Variants in ATG7 observed in about 807,000 individuals in gnomAD.
ATG7 encodes the protein ubiquitin-like modifier-activating enzyme ATG7.
In ATG7, 70 loss-of-function variants were observed where a neutral mutation model predicts 82.4. That is an observed-to-expected ratio of 0.85 (90% CI 0.70 to 1.04). The LOEUF (loss-of-function observed/expected upper bound fraction) is 1.04. Among genes scored for constraint, ATG7 ranks in the 50% least tolerant of loss-of-function variants. ATG7 has a pLI of 0.00. For synonymous variants in ATG7, 287 were observed against 313.0 expected (o/e 0.92, Z 0.88); for missense variants, 792 against 864.3 (o/e 0.92, Z 1.05).
intron 20 of ATG7, among the ~76,000 whole-genome samples, chr3:11,471,671 G>A (rs1160053564): frequency 2.0e-5 from 3 of 149,368 alleles, no homozygotes; most frequent in South Asian, 2.1e-4. Context: ...CCCCAGTCTC[G>A]GTGTCTCACA....
At chr3:11,501,595 A>T (rs2091328127) in intron 20 of ATG7, among the ~76,000 whole-genome samples, 1 of 152,100 alleles carries the variant, frequency 6.6e-6, no homozygotes, top group Admixed American at 6.5e-5. Flanking sequence ...AAATGGTTAC[A>T]TAGTAAATTA....
At chr3:11,540,917 A>AGG (rs370091619) in intron 20 of ATG7, among the ~76,000 whole-genome samples, 7 of 73,944 alleles carry the variant, frequency 9.5e-5, no homozygotes, top group Admixed American at 1.8e-4. Context: ...TGGGGGGGGG[A>AGG]GGGGGGGAGT....
rs917155509 is a variant in ATG7 at position 11,348,250 on chromosome 3, G to T, written c.1284+215G>T. ...TGGCTCATACCTGCAATCCCAGTGT[G>T]TCTGGAGTTGGTTCCTTCAGTGCGT... On this transcript the variant is annotated intron_variant, in intron 14 of 20. Coordinates refer to ENST00000693202, the MANE Select transcript of ATG7 (RefSeq NM_001349232.2). 10 of 581,014 alleles carry T rather than the reference G, an allele frequency of 1.7e-5. No individual in the cohort carries two copies. The African/African-American group carries it at 1.9e-4, about 11-fold the overall frequency. 36.0% of individuals were successfully genotyped at this position (581,014 alleles called of 1,614,324 possible). A position where few individuals can be genotyped will look rare whatever the true frequency, so the allele number is the denominator to read the frequency against.
At chr3:11,424,515 G>T (rs1274575624) in intron 19 of ATG7, among the ~76,000 whole-genome samples, 1 of 151,696 alleles carries the variant, frequency 6.6e-6, no homozygotes, top group Non-Finnish European at 1.5e-5. Flanking sequence ...AGCAACAAAA[G>T]TTAGAAAGCA....
intron 5 of ATG7, among the ~76,000 whole-genome samples, chr3:11,302,408 C>A (rs190890191): frequency 9.3e-4 from 141 of 152,230 alleles, no homozygotes; most frequent in African/African-American, 3.2e-3. Context: ...ATTATTACCC[C>A]ATTTTTGTTT....
chr3:11,287,302 G>A (rs1389251484), intron 3 of ATG7, among the ~76,000 whole-genome samples: 3 of 152,186 alleles, frequency 2.0e-5, no homozygotes, highest in Admixed American at 6.5e-5. Context: ...GAAGACAGGC[G>A]AGGCACCTCT....
chr3:11,475,161 C>T (rs575102734), intron 20 of ATG7, among the ~76,000 whole-genome samples: 3 of 151,912 alleles, frequency 2.0e-5, no homozygotes, highest in African/African-American at 7.2e-5. Context: ...CATCATAGAC[C>T]AGGCCAGGGA....
At position 11,407,759 on chromosome 3, in the gene ATG7, G is replaced by A. The variant is rs184031140; in HGVS notation, c.1957-19045G>A. 6.4e-3 allele frequency among the ~76,000 whole-genome samples: 982 copies of A among 152,280 alleles called. 13 individuals carry two copies. Among genetic ancestry groups the A allele is most frequent in the African/African-American group, 0.023 (941 of 41,560 alleles). ...AAGCCATGGCATGAACTCTGTGTTG[G>A]CCCCTTTCAGCCACAGCTGGAGTGT... On this transcript the variant is annotated intron_variant, in intron 19 of 20. Transcript: ENST00000693202.
chr3:11,456,598 A>T lies in ATG7; in HGVS notation c.2079+29672A>T, dbSNP rs1211040399. Among the ~76,000 whole-genome samples the T allele has an allele frequency of 3.3e-5, 5 of 152,184 alleles. No homozygotes were observed. In the East Asian group the frequency reaches 9.6e-4, roughly 29 times the overall value. ...TTAAACCCATGGTGTTTCGCTTAACACTAATACACCTTGCCTCCCCTAGGA... is the reference window on the plus strand; with the variant it reads ...TTAAACCCATGGTGTTTCGCTTAACTCTAATACACCTTGCCTCCCCTAGGA... On this transcript the variant is annotated intron_variant, in intron 20 of 20. Coordinates refer to ENST00000693202, the MANE Select transcript of ATG7 (RefSeq NM_001349232.2).
At chr3:11,542,068 G>A (rs758096826) in intron 20 of ATG7, among the ~76,000 whole-genome samples, 12 of 152,086 alleles carry the variant, frequency 7.9e-5, no homozygotes, top group South Asian at 2.1e-4. Context: ...GGGATGCAGC[G>A]GAGAGGCTGG....
intron 20 of ATG7, among the ~76,000 whole-genome samples, chr3:11,518,545 CAAAAAAAAAAA>C (rs907867265): frequency 9.1e-5 from 11 of 120,598 alleles, no homozygotes; most frequent in African/African-American, 3.1e-4. Context: ...GACACCCTCT[CAAAAAAAAAAA>C]AGAAAAAAAA....
rs571486268 is a variant in ATG7 at position 11,388,520 on chromosome 3, C to G, written c.1956+8468C>G. 9.9e-5 allele frequency among the ~76,000 whole-genome samples: 15 copies of G among 151,960 alleles called. No individual in the cohort carries two copies. The South Asian group carries it at 2.9e-3, about 30-fold the overall frequency. ...CTCAGCTCACTGCAAGCTCCGCCTCCCAGGTTCATGCCATTCTCCTGCCTC... is the reference window on the plus strand; with the variant it reads ...CTCAGCTCACTGCAAGCTCCGCCTCGCAGGTTCATGCCATTCTCCTGCCTC... On this transcript the variant is annotated intron_variant, in intron 19 of 20. Transcript: ENST00000693202.
intron 5 of ATG7, among the ~76,000 whole-genome samples, chr3:11,300,626 G>T (rs1946638725): frequency 6.6e-6 from 1 of 152,198 alleles, no homozygotes; most frequent in Admixed American, 6.6e-5. Context: ...AGACATCCAG[G>T]TAGAGGAGAA....
At chr3:11,526,364 C>G (rs962911664) in intron 20 of ATG7, among the ~76,000 whole-genome samples, 5 of 152,108 alleles carry the variant, frequency 3.3e-5, no homozygotes, top group Admixed American at 6.5e-5. Flanking sequence ...TGCACTCCAG[C>G]CTAGGTGGCA....
chr3:11,319,605 G>T (rs1949937256), intron 9 of ATG7, among the ~76,000 whole-genome samples: 1 of 152,150 alleles, frequency 6.6e-6, no homozygotes. Flanking sequence ...CTGGACCCCG[G>T]GCCATATTAT....
At chr3:11,507,722 A>G (rs1231066266) in intron 20 of ATG7, among the ~76,000 whole-genome samples, 1 of 152,206 alleles carries the variant, frequency 6.6e-6, no homozygotes, top group Non-Finnish European at 1.5e-5. Flanking sequence ...TGAGGACCCC[A>G]GGGTTAAGAA....
intron 14 of ATG7, among the ~76,000 whole-genome samples, chr3:11,351,442 G>T (rs2075536053): frequency 6.6e-6 from 1 of 152,172 alleles, no homozygotes; most frequent in Non-Finnish European, 1.5e-5. Flanking sequence ...GGTAGGATGA[G>T]TGTGGTACTT....
In ATG7 at chr3:11,542,380, T is replaced by C. The variant is rs2070902736; in HGVS notation, c.2080-12431T>C. 2.6e-5 allele frequency among the ~76,000 whole-genome samples: 4 copies of C among 152,376 alleles called. No homozygotes were observed. The South Asian group carries it at 6.2e-4, about 24-fold the overall frequency. ...GGGGAGACCTAGAGCAGCCTGTCGC[T>C]GTGGGCTGGGAATTCCAGAGTCTTC... On this transcript the variant is annotated intron_variant, in intron 20 of 20. Transcript: ENST00000693202.
In ATG7 at chr3:11,331,441, G is replaced by A. The variant is rs202001978; in HGVS notation, c.767+13G>A. The A allele has an allele frequency of 1.9e-4, 301 of 1,560,490 alleles. 1 individual carries two copies. The highest frequency in any genetic ancestry group is 2.6e-4 in the Non-Finnish European group (290 of 1,131,326). ...CAGCCCACAGATGGTATTTACAAGA[G>A]TGTGTGTTTGTCTGTCTGTCTGCCT... On this transcript the variant is annotated intron_variant, in intron 10 of 20. Coordinates refer to ENST00000693202, the MANE Select transcript of ATG7 (RefSeq NM_001349232.2).
Sources: gnomAD v4.1 joint callset for allele counts (sites outside exome capture counted in the v4.1 genomes callset) on GRCh38, gnomAD v4.1.1 for gene constraint, MANE v1.5 for transcripts, NCBI Gene and HGNC (gene_info 2026-07-23, HGNC 2026-07-21) for gene names.